The following SCG5 variants were observed in gnomAD, a reference collection of about 807,000 sequenced individuals.
The protein encoded by SCG5 is secretogranin V.
In SCG5, 18 loss-of-function variants were observed where a neutral mutation model predicts 25.7. The ratio of observed to expected loss-of-function variants is 0.70; its 90% confidence interval spans 0.48 to 1.04. The LOEUF (loss-of-function observed/expected upper bound fraction) is 1.04. Ranked by LOEUF, SCG5 falls within the 50% of genes least tolerant of loss-of-function variation. SCG5 has a pLI of 0.00. For missense variants in SCG5, 206 were observed against 259.8 expected (o/e 0.79, Z 1.42); for synonymous variants, 101 against 91.7 (o/e 1.10, Z -0.58).
intron 5 of SCG5, among the ~76,000 whole-genome samples, chr15:32,695,710 T>C (rs2054945410): frequency 6.6e-6 from 1 of 152,106 alleles, no homozygotes; most frequent in Admixed American, 6.5e-5. Flanking sequence ...CTGGGACCAG[T>C]CTTCAGATGT....
intron 2 of SCG5, among the ~76,000 whole-genome samples, chr15:32,675,013 A>G (rs2054506469): frequency 6.6e-6 from 1 of 152,226 alleles, no homozygotes; most frequent in Non-Finnish European, 1.5e-5. Context: ...AAAGTCTACC[A>G]ATGATTTGAT....
At chr15:32,679,696 A>G (rs1377074454) in intron 2 of SCG5, 70 bp from the exon 3 acceptor site, 16 of 1,522,698 alleles carry the variant, frequency 1.1e-5, no homozygotes, top group Non-Finnish European at 1.5e-5. Context: ...CCTGTGTGAT[A>G]TGCCTGAATA....
chr15:32,678,794 T>G (rs867528236), intron 2 of SCG5, among the ~76,000 whole-genome samples: 13 of 152,226 alleles, frequency 8.5e-5, no homozygotes, highest in Admixed American at 5.9e-4. Context: ...GTTAATATGT[T>G]GTAGTACAGC....
At chr15:32,691,238 A>T (rs1403397806) in intron 4 of SCG5, among the ~76,000 whole-genome samples, 1 of 152,222 alleles carries the variant, frequency 6.6e-6, no homozygotes, top group African/African-American at 2.4e-5. Context: ...GGGGGCACTG[A>T]CTTAACGCCA....
chr15:32,650,079 T>C (rs2054010206), intron 2 of SCG5, among the ~76,000 whole-genome samples: 2 of 152,208 alleles, frequency 1.3e-5, no homozygotes, highest in Non-Finnish European at 2.9e-5. Flanking sequence ...CAGTCTTTAA[T>C]GGCTTACCCC....
intron 1 of SCG5, among the ~76,000 whole-genome samples, 178 bp downstream of exon 1, chr15:32,641,956 G>A (rs892326876): frequency 1.3e-5 from 2 of 152,116 alleles, no homozygotes; most frequent in Non-Finnish European, 2.9e-5. Context: ...TGAGGGAGGA[G>A]ATTGTGTAGT....
chr15:32,694,599 G>T (rs532039131), intron 5 of SCG5, among the ~76,000 whole-genome samples: 42 of 152,240 alleles, frequency 2.8e-4, no homozygotes, highest in African/African-American at 7.7e-4. Context: ...ATTCTGATAT[G>T]ATCCCCTGGG....
chr15:32,643,577 T>C lies in SCG5; in HGVS notation c.-7-9T>C, dbSNP rs977023045. The C allele has an allele frequency of 6.2e-7, 1 of 1,601,102 alleles. No homozygotes were observed. The highest frequency in any genetic ancestry group is 1.3e-5 in the African/African-American group (1 of 74,696). On this transcript the variant is annotated splice_polypyrimidine_tract_variant and intron_variant, in intron 1 of 5. Transcript: ENST00000300175. ...GCCTATCAGTATACATTTGGTCTTTTATCTGCAGGTTGACAATGGTCTCCA... is the reference window on the plus strand; with the variant it reads ...GCCTATCAGTATACATTTGGTCTTTCATCTGCAGGTTGACAATGGTCTCCA...
chr15:32,691,636 T>G (rs1303335697), intron 4 of SCG5, 74 bp from the exon 5 acceptor site: 1 of 1,171,744 alleles, frequency 8.5e-7, no homozygotes, highest in Admixed American at 2.3e-5. Context: ...CACCAAGTAT[T>G]GCTTTTAAAA....
In SCG5 at chr15:32,678,739, C is replaced by T. The variant is rs188639801; in HGVS notation, c.227-1027C>T. 1.1e-3 allele frequency among the ~76,000 whole-genome samples: 166 copies of T among 152,162 alleles called. 2 individuals are homozygous for T. The highest frequency in any genetic ancestry group is 6.8e-3 in the Middle Eastern group (2 of 294). ...CCAAAATATGGAAAACATTAAATGT[C>T]TAAAATGAATTGGGAAACACTAAAT... On this transcript the variant is annotated intron_variant, in intron 2 of 5. Transcript: ENST00000300175.
intron 2 of SCG5, among the ~76,000 whole-genome samples, chr15:32,663,973 C>T (rs780777048): frequency 1.4e-5 from 2 of 147,452 alleles, no homozygotes; most frequent in African/African-American, 2.6e-5. Flanking sequence ...GCCTTGTTTA[C>T]GGTTTAGCTG....
intron 2 of SCG5, among the ~76,000 whole-genome samples, chr15:32,645,007 G>A (rs941007240): frequency 6.6e-6 from 1 of 152,192 alleles, no homozygotes; most frequent in Non-Finnish European, 1.5e-5. Flanking sequence ...GTTGACATTT[G>A]ATTTCAGGAG....
chr15:32,642,964 G>A (rs531224300), intron 1 of SCG5, among the ~76,000 whole-genome samples: 4 of 152,242 alleles, frequency 2.6e-5, no homozygotes, highest in African/African-American at 7.2e-5. Context: ...ACTTGCCTAC[G>A]ATCACTCAGC....
intron 5 of SCG5, among the ~76,000 whole-genome samples, chr15:32,693,860 AGCACTTTG>A (rs1266838593): frequency 6.6e-6 from 1 of 152,228 alleles, no homozygotes; most frequent in Non-Finnish European, 1.5e-5. Flanking sequence ...CTGTAATCCC[AGCACTTTG>A]GGAGGCCGAG....
chr15:32,648,117 C>A (rs1375145986), intron 2 of SCG5, among the ~76,000 whole-genome samples: 1 of 152,178 alleles, frequency 6.6e-6, no homozygotes, highest in African/African-American at 2.4e-5. Context: ...TTATATCAGT[C>A]TTTTCTGTCT....
rs548967952 is a variant in SCG5, at chr15:32,645,535, C to T, written c.226+1717C>T. Among the ~76,000 whole-genome samples, 19 of 152,118 alleles carry T rather than the reference C, an allele frequency of 1.2e-4. 1 individual carries two copies. The highest frequency in any genetic ancestry group is 2.4e-4 in the Non-Finnish European group (16 of 68,022). On this transcript the variant is annotated intron_variant, in intron 2 of 5. Coordinates refer to ENST00000300175, the MANE Select transcript of SCG5 (RefSeq NM_001144757.3). ...TTTTGATAGATGTACACACAAGCTGCCGCCGTGGAAGCAAACAGGAGTAAT... is the reference window on the plus strand; with the variant it reads ...TTTTGATAGATGTACACACAAGCTGTCGCCGTGGAAGCAAACAGGAGTAAT...
At chr15:32,694,537 CA>C (rs773168126) in intron 5 of SCG5, among the ~76,000 whole-genome samples, 1 of 152,246 alleles carries the variant, frequency 6.6e-6, no homozygotes, top group Non-Finnish European at 1.5e-5. Context: ...TTGAACCTCT[CA>C]TATCCTCCTT....
At chr15:32,677,317 G>T (rs2054548009) in intron 2 of SCG5, among the ~76,000 whole-genome samples, 1 of 152,194 alleles carries the variant, frequency 6.6e-6, no homozygotes, top group Admixed American at 6.5e-5. Context: ...TCCTTTTAAG[G>T]TTAAACTTTA....
intron 5 of SCG5, 48 bp downstream of exon 5, chr15:32,691,811 G>C: frequency 1.2e-6 from 2 of 1,601,128 alleles, no homozygotes; most frequent in Non-Finnish European, 1.7e-6. Context: ...GGAGCTTTCT[G>C]AGTGGGGCAG....
Sources: allele counts gnomAD v4.1 joint callset (sites outside exome capture counted in the v4.1 genomes callset), GRCh38; gene constraint gnomAD v4.1.1; transcripts MANE v1.5; gene names NCBI Gene and HGNC (gene_info 2026-07-23, HGNC 2026-07-21).